SLC68A1: variants seen among roughly 807,000 people sequenced by gnomAD.
The protein encoded by SLC68A1 is solute carrier family 68 member 1.
At chr10:102,463,206 TC>T in the SLC68A1 span, among the ~76,000 whole-genome samples, 1 of 147,928 alleles carries the variant, frequency 6.8e-6, no homozygotes, top group African/African-American at 2.5e-5. Context: ...GGAGTCTCAC[TC>T]TGTCCTCCAG....
the SLC68A1 span, among the ~76,000 whole-genome samples, chr10:102,470,354 A>G: frequency 6.6e-6 from 1 of 152,020 alleles, no homozygotes; most frequent in Non-Finnish European, 1.5e-5. Flanking sequence ...CTGCTTCTGG[A>G]AGATTCCTTT....
At chr10:102,467,810 C>A in the SLC68A1 span, among the ~76,000 whole-genome samples, 24 of 152,152 alleles carry the variant, frequency 1.6e-4, no homozygotes, top group African/African-American at 5.8e-4. Flanking sequence ...GCATGTGCCA[C>A]CATGCCCGGC....
the SLC68A1 span, chr10:102,473,663 T>G: frequency 6.2e-7 from 1 of 1,614,102 alleles, no homozygotes; most frequent in South Asian, 1.1e-5. Context: ...GGGCTCTTCC[T>G]GCTCAAGCTG....
the SLC68A1 span, chr10:102,471,383 T>C: frequency 1.2e-6 from 2 of 1,612,588 alleles, no homozygotes; most frequent in Admixed American, 1.7e-5. Context: ...TTCGTGAGCA[T>C]GGACCTGGTG....
At chr10:102,471,478 G>A in the SLC68A1 span, 17 of 1,550,744 alleles carry the variant, frequency 1.1e-5, no homozygotes, top group East Asian at 1.1e-4. Context: ...CTGGGAACTT[G>A]GCCACGCATG....
At chr10:102,475,585 G>A in the SLC68A1 span, 2 of 987,240 alleles carry the variant, frequency 2.0e-6, no homozygotes, top group Admixed American at 5.0e-5. Context: ...TAGGAGAGGA[G>A]TGGGTTTGGA....
At chr10:102,471,398 T>TATGGG in the SLC68A1 span, 2 of 1,609,218 alleles carry the variant, frequency 1.2e-6, no homozygotes, top group Non-Finnish European at 1.7e-6. Flanking sequence ...CTGGTGCAGG[T>TATGGG]ATGGGGAGCA....
At chr10:102,472,124 C>A in the SLC68A1 span, 1 of 433,568 alleles carries the variant, frequency 2.3e-6, no homozygotes, top group South Asian at 1.6e-5. Context: ...GATTGCACCA[C>A]TGCACTCCAG....
At chr10:102,471,985 C>T in the SLC68A1 span, 2 of 455,600 alleles carry the variant, frequency 4.4e-6, no homozygotes, top group African/African-American at 4.0e-5. Flanking sequence ...CTTTGGGGAC[C>T]CTCTAACAAT....
the SLC68A1 span, chr10:102,476,959 G>T: frequency 1.0e-6 from 1 of 985,978 alleles, no homozygotes; most frequent in Non-Finnish European, 1.2e-6. Flanking sequence ...TGCCTCCTCT[G>T]CTGCAGGGCT....
the SLC68A1 span, chr10:102,471,066 T>C: frequency 1.9e-6 from 3 of 1,613,470 alleles, no homozygotes; most frequent in South Asian, 2.2e-5. Flanking sequence ...AGGCGGCGGG[T>C]TGAGGCGGCC....
the SLC68A1 span, chr10:102,474,048 T>G: frequency 6.5e-7 from 1 of 1,548,736 alleles, no homozygotes; most frequent in Non-Finnish European, 8.7e-7. Flanking sequence ...CTCTTAAGGC[T>G]CCAGGGGGCA....
the SLC68A1 span, chr10:102,471,172 T>G: frequency 1.3e-6 from 2 of 1,562,004 alleles, no homozygotes; most frequent in Non-Finnish European, 1.7e-6. Flanking sequence ...CTAAGTCTGA[T>G]TTCGGTGCTG....
At chr10:102,466,630 G>A in the SLC68A1 span, among the ~76,000 whole-genome samples, 4 of 151,362 alleles carry the variant, frequency 2.6e-5, no homozygotes, top group African/African-American at 9.7e-5. Context: ...GATGGCAAAG[G>A]TCATACCTGT....
the SLC68A1 span, chr10:102,476,039 C>T: frequency 9.1e-7 from 1 of 1,103,746 alleles, no homozygotes; most frequent in South Asian, 2.3e-5. Context: ...GGGGAAGGAG[C>T]CAGTTTTTTT....
chr10:102,476,018 G>C, the SLC68A1 span: 1 of 1,417,072 alleles, frequency 7.1e-7, no homozygotes. Flanking sequence ...TGAGGATGCT[G>C]CTGGCAGCCT....
chr10:102,470,292 C>T, the SLC68A1 span, among the ~76,000 whole-genome samples: 1 of 151,272 alleles, frequency 6.6e-6, no homozygotes, highest in Non-Finnish European at 1.5e-5. Context: ...AGAGATCTAC[C>T]CTGGCTTGGC....
the SLC68A1 span, chr10:102,471,444 T>C: frequency 1.9e-6 from 3 of 1,593,538 alleles, no homozygotes; most frequent in Admixed American, 5.0e-5. Flanking sequence ...TGGACTTCAC[T>C]CAAGGGGACA....
chr10:102,474,096 T>C, the SLC68A1 span: 1 of 1,415,318 alleles, frequency 7.1e-7, no homozygotes, highest in Non-Finnish European at 9.4e-7. Flanking sequence ...GCCTGGGCTC[T>C]GGGTCCAGTG....
Sources: gnomAD v4.1 joint callset for allele counts (sites outside exome capture counted in the v4.1 genomes callset) on GRCh38, gnomAD v4.1.1 for gene constraint, MANE v1.5 for transcripts, NCBI Gene and HGNC (gene_info 2026-07-23, HGNC 2026-07-21) for gene names.